Variants in PDZD2 observed in about 807,000 individuals in gnomAD.
PDZD2 encodes PDZ domain-containing protein 2.
A neutral mutation model predicts 220.7 loss-of-function variants in PDZD2; 90 were observed. The ratio of observed to expected loss-of-function variants is 0.41; its 90% CI spans 0.34 to 0.49. PDZD2 has a LOEUF of 0.49. Among genes scored for constraint, PDZD2 ranks in the 20% least tolerant of loss-of-function variants. The probability of loss-of-function intolerance (pLI) is 0.28; values close to 1 mark genes in which losing one functional copy is unlikely to be tolerated. For missense variants in PDZD2, 3,174 were observed against 3,608.5 expected (o/e 0.88, Z 3.08); for synonymous variants, 1,375 against 1,450.5 (o/e 0.95, Z 1.18).
intron 6 of PDZD2, among the ~76,000 whole-genome samples, chr5:32,012,712 C>G (rs934176461): frequency 1.3e-5 from 2 of 151,826 alleles, no homozygotes; most frequent in South Asian, 4.2e-4. Context: ...CAGTCATACT[C>G]TCCTGCAAAA....
At chr5:31,964,854 T>C (rs1159587892) in intron 2 of PDZD2, among the ~76,000 whole-genome samples, 1 of 152,190 alleles carries the variant, frequency 6.6e-6, no homozygotes, top group Admixed American at 6.5e-5. Flanking sequence ...GAGCTGGGAC[T>C]ACAGGCACCC....
chr5:31,805,755 A>G (rs891026), intron 2 of PDZD2, among the ~76,000 whole-genome samples: 101,542 of 151,664 alleles, frequency 0.67, 34,329 homozygotes, highest in African/African-American at 0.76. Flanking sequence ...TAGAAATAGG[A>G]TCATTGCAGG....
intron 2 of PDZD2, among the ~76,000 whole-genome samples, chr5:31,960,665 A>G (rs951731516): frequency 6.6e-6 from 1 of 152,038 alleles, no homozygotes; most frequent in South Asian, 2.1e-4. Context: ...GCCACTTCCT[A>G]AGGAAAACCT....
chr5:31,706,061 A>C (rs1017157091), intron 1 of PDZD2, among the ~76,000 whole-genome samples: 16 of 152,088 alleles, frequency 1.1e-4, no homozygotes, highest in African/African-American at 2.7e-4. Flanking sequence ...CAAAATAACA[A>C]CACCACCACC....
chr5:32,051,603 T>C (rs896130396), intron 8 of PDZD2, among the ~76,000 whole-genome samples: 4 of 152,308 alleles, frequency 2.6e-5, no homozygotes, highest in Non-Finnish European at 4.4e-5. Context: ...GCTTTGGTGA[T>C]AGAGTCATTT....
intron 3 of PDZD2, among the ~76,000 whole-genome samples, chr5:31,991,450 G>A (rs1833813): frequency 0.17 from 26,504 of 152,098 alleles, 2,495 homozygotes; most frequent in African/African-American, 0.22. Context: ...GATACTTCAC[G>A]GACTTTTGGC....
intron 2 of PDZD2, among the ~76,000 whole-genome samples, chr5:31,934,984 A>C (rs1311244067): frequency 6.6e-6 from 1 of 151,664 alleles, no homozygotes; most frequent in Non-Finnish European, 1.5e-5. Context: ...CTACTCCAGG[A>C]GGTTGAGGCA....
chr5:31,926,409 C>T (rs1744766236), intron 2 of PDZD2, among the ~76,000 whole-genome samples: 1 of 150,056 alleles, frequency 6.7e-6, no homozygotes, highest in Non-Finnish European at 1.5e-5. Flanking sequence ...GCCTGTACTC[C>T]CGGCTACTCC....
chr5:31,990,522 T>C (rs371444816), intron 3 of PDZD2, among the ~76,000 whole-genome samples: 24 of 152,300 alleles, frequency 1.6e-4, no homozygotes, highest in Admixed American at 3.3e-4. Context: ...GAACTCGGTC[T>C]CTCCAACTGG....
chr5:31,936,218 T>TAATA (rs1745712192), intron 2 of PDZD2: 1 of 987,760 alleles, frequency 1.0e-6, no homozygotes, highest in Non-Finnish European at 1.2e-6. Flanking sequence ...TGTTGATAGT[T>TAATA]AATAACCCAG....
chr5:31,957,269 C>T (rs1419108982), intron 2 of PDZD2, among the ~76,000 whole-genome samples: 1 of 152,128 alleles, frequency 6.6e-6, no homozygotes, highest in African/African-American at 2.4e-5. Flanking sequence ...AATGACAGCA[C>T]ACTTAATGCC....
At chr5:32,066,396 C>T (rs905458694) in intron 14 of PDZD2, among the ~76,000 whole-genome samples, 4 of 152,170 alleles carry the variant, frequency 2.6e-5, no homozygotes, top group Non-Finnish European at 4.4e-5. Context: ...GTCCTGCTTC[C>T]ACCTTTTTCT....
At chr5:31,747,065 C>T (rs1284599992) in intron 1 of PDZD2, among the ~76,000 whole-genome samples, 1 of 152,090 alleles carries the variant, frequency 6.6e-6, no homozygotes, top group Non-Finnish European at 1.5e-5. Flanking sequence ...ATCCCAGCTA[C>T]TCGGGAGGCT....
At chr5:31,968,954 G>A (rs1179175819) in intron 2 of PDZD2, among the ~76,000 whole-genome samples, 3 of 152,188 alleles carry the variant, frequency 2.0e-5, no homozygotes, top group African/African-American at 4.8e-5. Flanking sequence ...TGTTAATGAG[G>A]AAAGACTTGG....
Position 31,728,545 on chromosome 5 carries a change from G to A in PDZD2, c.-360-70344G>A, listed in dbSNP as rs553289062. Among the ~76,000 whole-genome samples the A allele has an allele frequency of 3.3e-4, 50 of 152,248 alleles. No homozygotes were observed. In the South Asian group the frequency reaches 0.01, roughly 31 times the overall value. On this transcript the variant is annotated intron_variant, in intron 1 of 24. Transcript: ENST00000438447. The stretch of plus-strand genomic sequence containing the variant: ...TCCTTGCGAGTGCTAATGGTGGTGG[G>A]GCAAAGATGATAGTGACCACATTCG...
At chr5:32,043,779 T>C (rs1430231892) in intron 7 of PDZD2, among the ~76,000 whole-genome samples, 1 of 152,046 alleles carries the variant, frequency 6.6e-6, no homozygotes, top group African/African-American at 2.4e-5. Flanking sequence ...ACGCGCAGGC[T>C]ACCACGCCTG....
intron 2 of PDZD2, among the ~76,000 whole-genome samples, chr5:31,836,823 A>G (rs1202372508): frequency 6.6e-6 from 1 of 152,026 alleles, no homozygotes; most frequent in Non-Finnish European, 1.5e-5. Context: ...GTTCAAGACC[A>G]GCCTGGCCAA....
intron 2 of PDZD2, among the ~76,000 whole-genome samples, chr5:31,978,702 G>A (rs1333697279): frequency 5.6e-5 from 5 of 88,972 alleles, no homozygotes; most frequent in African/African-American, 2.2e-4. Context: ...GCGACAGAGC[G>A]AGACTCCATC....
chr5:32,088,881 C>G lies in PDZD2; in HGVS notation c.5433C>G (p.Gly1811=). Residue 1811 remains glycine (G), a synonymous_variant, in exon 20 of 25, where the codon GGC becomes GGG. Transcript: ENST00000438447. The surrounding 1 kb of genome is among the most constrained non-coding windows in gnomAD (Gnocchi z 4.6). Reference sequence around the variant, plus strand: ...AAGAAATAAATAAACATAACCAAGGCACACATTTGAGGAGCAAAACCGAGA... The same window carrying G: ...AAGAAATAAATAAACATAACCAAGGGACACATTTGAGGAGCAAAACCGAGA... The part of the protein sequence containing the change: ...WFKEINKHNQ[G]THLRSKTEKE... 6.2e-7 allele frequency: 1 copy of G among 1,614,046 alleles called. No individual in the cohort carries two copies. The highest frequency in any genetic ancestry group is 1.3e-5 in the African/African-American group (1 of 75,022).
Sources: gnomAD v4.1 joint callset for allele counts (sites outside exome capture counted in the v4.1 genomes callset) on GRCh38, gnomAD v4.1.1 for gene constraint, Gnocchi (gnomAD v3.1) non-coding constraint, MANE v1.5 for transcripts, NCBI Gene and HGNC (gene_info 2026-07-23, HGNC 2026-07-21) for gene names.